The following BSG variants were observed in gnomAD, a reference collection of about 807,000 sequenced individuals.
BSG encodes basigin (Ok blood group).
A neutral mutation model predicts 43.1 loss-of-function variants in BSG; 37 were observed. The ratio of observed to expected loss-of-function variants is 0.86; its 90% CI spans 0.66 to 1.13. The LOEUF (loss-of-function observed/expected upper bound fraction) is 1.13. Among genes scored for constraint, BSG ranks in the 50% most tolerant of loss-of-function variants. BSG has a pLI of 0.00. For synonymous variants in BSG, 309 were observed against 238.7 expected, an observed-to-expected ratio of 1.29 and a Z score of -2.72; for missense variants, 599 against 554.2, an observed-to-expected ratio of 1.08 and a Z score of -0.81.
chr19:571,459 C>A (rs1308469593), upstream of BSG: 2 of 767,572 alleles, frequency 2.6e-6, no homozygotes, highest in Non-Finnish European at 4.8e-6. Flanking sequence ...CGCGGAACTT[C>A]AAGGGTCCTT....
At chr19:580,616 C>A (rs1411251692) in intron 4 of BSG, 30 bp from the exon 5 acceptor site, 15 of 1,612,050 alleles carry the variant, frequency 9.3e-6, no homozygotes, top group Non-Finnish European at 1.1e-5. Context: ...GCCTGCGGTT[C>A]CAGGCTCCTC....
chr19:576,994 G>A (rs1300693053), intron 1 of BSG, among the ~76,000 whole-genome samples: 2 of 152,116 alleles, frequency 1.3e-5, no homozygotes, highest in Non-Finnish European at 2.9e-5. Flanking sequence ...GCGGTGCCTG[G>A]GGAGTCTGAC....
rs780192498 is a variant in BSG, at chr19:580,448, C to T, written c.642C>T (p.Asn214=). ...VFLPEPMGTA[N]IQLHGPPRVK... ...TCCCCGAGCCCATGGGCACGGCCAACATCCAGCTCCACGGTGAGTCCTGCA... is the reference window on the plus strand; with the variant it reads ...TCCCCGAGCCCATGGGCACGGCCAATATCCAGCTCCACGGTGAGTCCTGCA... The change falls in exon 4 of 9, where the codon AAC becomes AAT. Residue 214 remains asparagine, a synonymous_variant. Coordinates refer to ENST00000333511, the MANE Select transcript of BSG (RefSeq NM_001728.4). The T allele has an allele frequency of 1.9e-6, 3 of 1,610,718 alleles. No individual in the cohort carries two copies. Among genetic ancestry groups the T allele is most frequent in the Non-Finnish European group, 2.5e-6 (3 of 1,179,942 alleles).
chr19:576,020 T>C (rs1426590489), intron 1 of BSG, among the ~76,000 whole-genome samples: 1 of 152,228 alleles, frequency 6.6e-6, no homozygotes, highest in Non-Finnish European at 1.5e-5. Context: ...GGTTGTTCCA[T>C]CCAAAGCCTT....
In BSG at chr19:577,955, C is replaced by G. The variant is rs757553986; in HGVS notation, c.249C>G (p.Ala83=). ...GARLDRVHIH[A]TYHQHAASTI... ...GGCTGGACCGCGTCCACATCCACGC[C>G]ACCTACCACCAGCACGCGGCCAGCA... Residue 83 remains alanine (A), a synonymous_variant, in exon 2 of 9, where the codon GCC becomes GCG. Transcript: ENST00000333511. 6 of 1,611,476 alleles carry G rather than the reference C, an allele frequency of 3.7e-6. No individual in the cohort carries two copies. The African/African-American group carries it at 6.7e-5, about 18-fold the overall frequency.
Position 577,801 on chromosome 19 carries a change from A to G in BSG, c.95A>G (p.Gln32Arg), listed in dbSNP as rs1330843616. ...GGCTTCGTCCAGGCGCCGCTGTCCC[A>G]GCAGAGGTGGGTGGGGGGCAGTGTG... ...AAGFVQAPLS[Q>R]QRWVGGSVEL... Residue 32 changes from glutamine to arginine, a missense_variant, in exon 2 of 9, where the codon CAG becomes CGG. Transcript: ENST00000333511. The G allele has an allele frequency of 6.9e-7, 1 of 1,445,612 alleles. No homozygotes were observed. The highest frequency in any genetic ancestry group is 1.4e-5 in the African/African-American group (1 of 70,246). 89.5% of individuals were successfully genotyped at this position (1,445,612 alleles called of 1,614,324 possible).
Position 580,767 on chromosome 19 carries a change from T to C in BSG, c.777T>C (p.Thr259=). ...PVTDWAWYKI[T]DSEDKALMNG... ...CTGACTGGGCCTGGTACAAGATCAC[T>C]GACTCTGAGGACAAGGTGAGAAGCC... Residue 259 remains threonine (T), a synonymous_variant, in exon 5 of 9, where the codon ACT becomes ACC. Transcript: ENST00000333511. 1 of 1,605,222 alleles carries C rather than the reference T, an allele frequency of 6.2e-7. No individual in the cohort carries two copies. The highest frequency in any genetic ancestry group is 1.1e-5 in the South Asian group (1 of 90,448).
At chr19:581,621 C>G (rs758711456) in intron 6 of BSG, 30 bp downstream of exon 6, 1 of 1,551,152 alleles carries the variant, frequency 6.4e-7, no homozygotes, top group Non-Finnish European at 8.7e-7. Context: ...GCCCACATGC[C>G]CTGCTCTCGG....
chr19:579,038 G>A lies in BSG; in HGVS notation c.416-462G>A, dbSNP rs755834132. ...AGCCTCCGCGCCCGGCCACCACCGCGCCCAGCTGGCTACGTTTTTAGAAAA... is the reference window on the plus strand; with the variant it reads ...AGCCTCCGCGCCCGGCCACCACCGCACCCAGCTGGCTACGTTTTTAGAAAA... On this transcript the variant is annotated intron_variant, in intron 2 of 8. Transcript: ENST00000333511. 6 of 456,780 alleles carry A rather than the reference G, an allele frequency of 1.3e-5. 1 individual carries two copies. The highest frequency in any genetic ancestry group is 7.7e-5 in the South Asian group (5 of 64,566). The allele number at this position is 456,780 out of a possible 1,614,324, so 28.3% of individuals were successfully genotyped here.
At chr19:576,180 CT>C (rs1981757418) in intron 1 of BSG, among the ~76,000 whole-genome samples, 1 of 152,346 alleles carries the variant, frequency 6.6e-6, no homozygotes, top group African/African-American at 2.4e-5. Flanking sequence ...GTCCTCCTCA[CT>C]TTCCTGTGTG....
chr19:579,811 C>A, intron 3 of BSG, 155 bp downstream of exon 3: 1 of 1,241,728 alleles, frequency 8.1e-7, no homozygotes, highest in East Asian at 2.6e-5. Flanking sequence ...GAGGGAAACC[C>A]CAGGGAGGGG....
chr19:582,165 T>C, intron 6 of BSG, 141 bp from the exon 7 acceptor site: 1 of 1,058,856 alleles, frequency 9.4e-7, no homozygotes, highest in Non-Finnish European at 1.4e-6. Flanking sequence ...TGGCCGGGGC[T>C]GATGAGCTGC....
At chr19:575,762 C>T (rs1034625016) in intron 1 of BSG, among the ~76,000 whole-genome samples, 1 of 152,154 alleles carries the variant, frequency 6.6e-6, no homozygotes, top group African/African-American at 2.4e-5. Context: ...GGTTACGTCT[C>T]ATGTGGCCAG....
At chr19:571,413 T>C, upstream of BSG, 1 of 693,402 alleles carries the variant, frequency 1.4e-6, no homozygotes, top group Non-Finnish European at 2.6e-6. Context: ...CCCCCACCTG[T>C]GTCGCCCCAA....
In BSG at chr19:579,670, C is replaced by T; in HGVS notation, c.572+14C>T. 1 of 1,592,132 alleles carries T rather than the reference C, an allele frequency of 6.3e-7. No homozygotes were observed. Among genetic ancestry groups the T allele is most frequent in the Non-Finnish European group, 8.6e-7 (1 of 1,168,480 alleles). On this transcript the variant is annotated intron_variant, in intron 3 of 8. Coordinates refer to ENST00000333511, the MANE Select transcript of BSG (RefSeq NM_001728.4). ...AACGGAGTTCAAGTGAGTGCCTGAC[C>T]ACGCCATGCCGCCACCTGCCCCTTC...
chr19:573,207 G>T (rs753157639), intron 1 of BSG, among the ~76,000 whole-genome samples: 15 of 152,300 alleles, frequency 9.8e-5, no homozygotes, highest in Middle Eastern at 6.8e-3. Flanking sequence ...GGGGCTGGTT[G>T]GTGCCTGCCC....
rs370764898 is a variant in BSG at position 582,587 on chromosome 19, G to A, written c.*5+5G>A. The A allele has an allele frequency of 1.2e-5, 19 of 1,583,230 alleles. No homozygotes were observed. The East Asian group carries it at 2.7e-4, about 23-fold the overall frequency. On this transcript the variant is annotated splice_donor_5th_base_variant and intron_variant, in intron 8 of 8. Transcript: ENST00000333511. ...GAGGAACTCTTCCTGAGGCAGGTGC[G>A]GTGGGCGGGAGCTCCTCCTGAGCCA...
In BSG at chr19:581,461, C is replaced by A; in HGVS notation, c.939C>A (p.Ile313=). The A allele has an allele frequency of 1.2e-6, 2 of 1,611,104 alleles. No individual in the cohort carries two copies. The highest frequency in any genetic ancestry group is 1.7e-6 in the Non-Finnish European group (2 of 1,179,268). ...GTSSKGSDQA[I]ITLRVRSHLA... is the part of the protein sequence containing the mutation. ...GCTCCAAGGGCTCCGACCAGGCCAT[C>A]ATCACGCTCCGCGTGCGCAGCCACC... is the stretch of plus-strand genomic sequence containing the variant. Residue 313 remains isoleucine (I), a synonymous_variant, in exon 6 of 9, where the codon ATC becomes ATA. Transcript: ENST00000333511.
At chr19:573,010 G>A (rs1981413680) in intron 1 of BSG, among the ~76,000 whole-genome samples, 1 of 152,192 alleles carries the variant, frequency 6.6e-6, no homozygotes, top group Non-Finnish European at 1.5e-5. Context: ...GTCCTGGCCA[G>A]GCCGGTCTTG....
Sources: allele counts gnomAD v4.1 joint callset (sites outside exome capture counted in the v4.1 genomes callset), GRCh38; gene constraint gnomAD v4.1.1; transcripts MANE v1.5; gene names NCBI Gene and HGNC (gene_info 2026-07-23, HGNC 2026-07-21).